SEC22A: variants seen among roughly 807,000 people sequenced by gnomAD.
SEC22A encodes the protein SEC22 homolog A, vesicle trafficking protein.
A neutral mutation model predicts 35.3 loss-of-function variants in SEC22A; 22 were observed. The observed-to-expected ratio is 0.62, with a 90% CI of 0.45 to 0.89. The LOEUF (loss-of-function observed/expected upper bound fraction) is 0.89. Among genes scored for constraint, SEC22A ranks in the 40% least tolerant of loss-of-function variants. SEC22A has a pLI of 0.00. For missense variants in SEC22A, 354 were observed against 362.5 expected (o/e 0.98, Z 0.19); for synonymous variants, 119 against 129.5 (o/e 0.92, Z 0.55).
rs560560731 is a variant in SEC22A, at chr3:123,220,495, C to A, written c.183-3064C>A. On this transcript the variant is annotated intron_variant, in intron 2 of 6. Transcript: ENST00000492595. ...TGTAGAAAAAGGCAATATGCTATGG[C>A]TAAATTAATTTGATTATGATCCTTA... 8.5e-5 allele frequency among the ~76,000 whole-genome samples: 13 copies of A among 152,054 alleles called. No homozygotes were observed. The South Asian group carries it at 2.7e-3, about 32-fold the overall frequency.
chr3:123,258,652 C>T (rs1937800163), intron 5 of SEC22A, among the ~76,000 whole-genome samples: 1 of 151,818 alleles, frequency 6.6e-6, no homozygotes, highest in Non-Finnish European at 1.5e-5. Flanking sequence ...TTCCTTTATA[C>T]TATTTTATGA....
chr3:123,229,875 A>AAAT (rs146856118), intron 4 of SEC22A, among the ~76,000 whole-genome samples: 2 of 150,856 alleles, frequency 1.3e-5, no homozygotes, highest in Non-Finnish European at 1.5e-5. Context: ...AAAAAAAAAT[A>AAAT]AATAATAATA....
At position 123,209,278 on chromosome 3, in the gene SEC22A, T is replaced by C. The variant is rs772290794; in HGVS notation, c.61T>C (p.Ser21Pro). 2.5e-6 allele frequency: 4 copies of C among 1,613,990 alleles called. No homozygotes were observed. In the African/African-American group the frequency reaches 5.3e-5, roughly 22 times the overall value. Residue 21 changes from serine to proline, a missense_variant, in exon 2 of 7, where the codon TCT (serine) becomes CCT (proline). Coordinates refer to ENST00000492595, the MANE Select transcript of SEC22A (RefSeq NM_012430.5). Reference sequence around the variant, plus strand: ...CAGAGATGGACTGCCACTTTCTGCTTCTACTGATTATGAACAAAGCACAGG... The same window carrying C: ...CAGAGATGGACTGCCACTTTCTGCTCCTACTGATTATGAACAAAGCACAGG... ...RVRDGLPLSA[S>P]TDYEQSTGMQ... is the part of the protein sequence containing the mutation.
intron 6 of SEC22A, among the ~76,000 whole-genome samples, chr3:123,260,177 AT>A (rs1937856823): frequency 7.6e-6 from 1 of 131,894 alleles, no homozygotes; most frequent in African/African-American, 2.9e-5. Context: ...AAACTACTAG[AT>A]TTTCTGGTGG....
intron 5 of SEC22A, among the ~76,000 whole-genome samples, chr3:123,249,640 T>C (rs1206651090): frequency 2.0e-5 from 3 of 152,166 alleles, no homozygotes; most frequent in African/African-American, 7.2e-5. Context: ...TTCTCCTGCC[T>C]CAGCCTCCTG....
chr3:123,203,384 CAATA>C (rs1936790694), intron 1 of SEC22A, among the ~76,000 whole-genome samples: 1 of 151,986 alleles, frequency 6.6e-6, no homozygotes, highest in Admixed American at 6.6e-5. Flanking sequence ...GGAGAGTAAT[CAATA>C]AATAATACAG....
chr3:123,229,492 G>A (rs1178872962), intron 4 of SEC22A, among the ~76,000 whole-genome samples: 2 of 152,088 alleles, frequency 1.3e-5, no homozygotes, highest in East Asian at 3.8e-4. Flanking sequence ...AAAAAATGAA[G>A]GCAAAGTAAA....
intron 4 of SEC22A, among the ~76,000 whole-genome samples, chr3:123,234,596 A>C (rs1014181150): frequency 3.3e-5 from 5 of 151,902 alleles, no homozygotes; most frequent in Non-Finnish European, 7.4e-5. Context: ...CTCAAAAAAA[A>C]TATATAAATT....
chr3:123,208,284 T>G (rs1198839128), intron 1 of SEC22A: 1 of 152,240 alleles, frequency 6.6e-6, no homozygotes, highest in Non-Finnish European at 1.5e-5. Context: ...TTTTATAGGA[T>G]ATTTAGATTG....
intron 2 of SEC22A, among the ~76,000 whole-genome samples, chr3:123,213,639 A>G (rs1936976593): frequency 6.6e-6 from 1 of 152,026 alleles, no homozygotes. Context: ...TCCTCTCTTT[A>G]TAACAGGGTT....
intron 5 of SEC22A, among the ~76,000 whole-genome samples, chr3:123,249,528 T>C (rs1937593534): frequency 6.6e-6 from 1 of 151,960 alleles, no homozygotes; most frequent in East Asian, 1.9e-4. Context: ...TATATATATA[T>C]GTATATATGT....
chr3:123,238,054 T>G (rs1016473011), intron 4 of SEC22A, among the ~76,000 whole-genome samples: 1 of 152,054 alleles, frequency 6.6e-6, no homozygotes, highest in African/African-American at 2.4e-5. Context: ...CTAGAAAGGC[T>G]GAGGCAGGAG....
chr3:123,250,302 C>T (rs62262612), intron 5 of SEC22A, among the ~76,000 whole-genome samples: 29,870 of 151,988 alleles, frequency 0.2, 3,042 homozygotes, highest in Middle Eastern at 0.27. Context: ...CCCAGCTATT[C>T]GGGAGGCTGA....
At chr3:123,266,840 T>C (rs571663405) in intron 6 of SEC22A, among the ~76,000 whole-genome samples, 2 of 152,268 alleles carry the variant, frequency 1.3e-5, no homozygotes, top group South Asian at 4.1e-4. Flanking sequence ...TTCTGTCTAG[T>C]GTTATACCAG....
At position 123,225,314 on chromosome 3, in the gene SEC22A, A is replaced by G; in HGVS notation, c.541+17A>G. On this transcript the variant is annotated intron_variant, in intron 4 of 6. Coordinates refer to ENST00000492595, the MANE Select transcript of SEC22A (RefSeq NM_012430.5). ...TTTCTTCTGGTGAGTTCTGGATCTC[A>G]GTTATTTTATTTTAAAAAAATCCTT... The G allele has an allele frequency of 6.8e-7, 1 of 1,474,536 alleles. No individual in the cohort carries two copies. The highest frequency in any genetic ancestry group is 1.4e-5 in the South Asian group (1 of 73,076). The allele number at this position is 1,474,536 out of a possible 1,614,324, so 91.3% of individuals were successfully genotyped here.
intron 2 of SEC22A, among the ~76,000 whole-genome samples, chr3:123,222,240 C>T (rs555359346): frequency 6.6e-6 from 1 of 152,040 alleles, no homozygotes; most frequent in African/African-American, 2.4e-5. Context: ...CTCTTGTCAC[C>T]CAGGCTGGAG....
intron 2 of SEC22A, among the ~76,000 whole-genome samples, chr3:123,217,464 C>T (rs1033694207): frequency 5.3e-5 from 8 of 151,958 alleles, no homozygotes; most frequent in African/African-American, 1.5e-4. Flanking sequence ...CTGCCCTCCT[C>T]GGCCTCCCAA....
intron 1 of SEC22A, chr3:123,208,842 T>C (rs1936892358): frequency 4.4e-6 from 1 of 225,916 alleles, no homozygotes; most frequent in Admixed American, 5.2e-5. Context: ...TCGCCCAGGC[T>C]GGAGCTCAGT....
chr3:123,245,452 T>TG (rs1937558260), intron 4 of SEC22A, among the ~76,000 whole-genome samples: 2 of 152,160 alleles, frequency 1.3e-5, no homozygotes, highest in African/African-American at 2.4e-5. Flanking sequence ...ACCAGCACTT[T>TG]GGGAGGCCAA....
Sources: allele counts gnomAD v4.1 joint callset (sites outside exome capture counted in the v4.1 genomes callset), GRCh38; gene constraint gnomAD v4.1.1; transcripts MANE v1.5; gene names NCBI Gene and HGNC (gene_info 2026-07-23, HGNC 2026-07-21).